Variants in CCDC63 observed in about 807,000 individuals in gnomAD.
CCDC63 encodes the protein coiled-coil domain-containing protein 63.
A neutral mutation model predicts 63.6 loss-of-function variants in CCDC63; 54 were observed. The ratio of observed to expected loss-of-function variants is 0.85; its 90% CI spans 0.68 to 1.07. The LOEUF is 1.07. Ranked by LOEUF, CCDC63 falls within the 50% of genes least tolerant of loss-of-function variation. CCDC63 has a pLI of 0.00. For missense variants in CCDC63, 637 were observed against 689.6 expected (o/e 0.92, Z 0.86); for synonymous variants, 253 against 266.1 (o/e 0.95, Z 0.48).
chr12:110,896,951 T>C (rs564726035), intron 9 of CCDC63, among the ~76,000 whole-genome samples: 2 of 152,230 alleles, frequency 1.3e-5, no homozygotes, highest in South Asian at 4.1e-4. Flanking sequence ...GCCAAGAATA[T>C]GCATTTCTAA....
chr12:110,898,904 A>T (rs2071448488), intron 9 of CCDC63, 29 bp from the exon 10 acceptor site: 2 of 1,542,982 alleles, frequency 1.3e-6, no homozygotes, highest in Non-Finnish European at 1.8e-6. Context: ...AGTCCTCCTG[A>T]GCAGGTGGGA....
chr12:110,883,157 C>T (rs1218236100), intron 7 of CCDC63, among the ~76,000 whole-genome samples: 2 of 152,046 alleles, frequency 1.3e-5, no homozygotes, highest in African/African-American at 4.8e-5. Context: ...CCTGCCTCAG[C>T]CTCCTGAGTA....
intron 10 of CCDC63, among the ~76,000 whole-genome samples, chr12:110,903,231 G>A (rs554592128): frequency 5.9e-5 from 9 of 152,082 alleles, no homozygotes; most frequent in African/African-American, 2.2e-4. Flanking sequence ...GACTGGTCTT[G>A]AACTCAAGTG....
At chr12:110,905,694 G>C (rs2071550823) in intron 11 of CCDC63, among the ~76,000 whole-genome samples, 1 of 149,898 alleles carries the variant, frequency 6.7e-6, no homozygotes, top group Admixed American at 6.8e-5. Flanking sequence ...TTGATATTAA[G>C]ACAAAAAGGG....
At chr12:110,902,368 C>T (rs560029569) in intron 10 of CCDC63, among the ~76,000 whole-genome samples, 1 of 152,310 alleles carries the variant, frequency 6.6e-6, no homozygotes, top group African/African-American at 2.4e-5. Flanking sequence ...GTCCCTGGCT[C>T]ACCTGTAGCC....
At chr12:110,870,516 G>A (rs2136678372) in intron 4 of CCDC63, among the ~76,000 whole-genome samples, 1 of 152,332 alleles carries the variant, frequency 6.6e-6, no homozygotes, top group East Asian at 1.9e-4. Context: ...TGGCCTCAGT[G>A]TTGTTTCATC....
intron 9 of CCDC63, among the ~76,000 whole-genome samples, chr12:110,898,320 C>T (rs1310048563): frequency 1.3e-5 from 2 of 149,198 alleles, no homozygotes; most frequent in African/African-American, 2.5e-5. Context: ...AAAGAGTCAA[C>T]AGCTTTTAAA....
chr12:110,892,643 C>G (rs1364669175), intron 8 of CCDC63, among the ~76,000 whole-genome samples: 1 of 151,938 alleles, frequency 6.6e-6, no homozygotes, highest in Non-Finnish European at 1.5e-5. Flanking sequence ...TATGGTGAAG[C>G]CCCCATCTCT....
chr12:110,860,295 G>A (rs1185492336), intron 4 of CCDC63, among the ~76,000 whole-genome samples: 1 of 152,174 alleles, frequency 6.6e-6, no homozygotes, highest in Admixed American at 6.5e-5. Context: ...GTGGGTCTGG[G>A]GGGCAAGTGG....
intron 4 of CCDC63, among the ~76,000 whole-genome samples, chr12:110,867,706 AC>A (rs1176867848): frequency 1.3e-5 from 1 of 76,330 alleles, no homozygotes; most frequent in African/African-American, 5.8e-5. Context: ...CGGAGGGCTG[AC>A]CCCCCCACCT....
chr12:110,893,070 G>A lies in CCDC63; in HGVS notation c.1075-6G>A, dbSNP rs757233125. The A allele has an allele frequency of 1.5e-5, 24 of 1,613,686 alleles. No individual in the cohort carries two copies. Among genetic ancestry groups the A allele is most frequent in the Non-Finnish European group, 2.0e-5 (24 of 1,179,738 alleles). On this transcript the variant is annotated splice_region_variant and splice_polypyrimidine_tract_variant and intron_variant, in intron 8 of 11. Transcript: ENST00000308208. Reference sequence around the variant, plus strand: ...TTTCCTCATGGTCTTGTTCTCTCCCGAGCAGGACGAGATCATCCTCTTGCG... The same window carrying A: ...TTTCCTCATGGTCTTGTTCTCTCCCAAGCAGGACGAGATCATCCTCTTGCG...
In CCDC63 at chr12:110,907,264, A is replaced by G. The variant is rs1371542073; in HGVS notation, c.1547-67A>G. The G allele has an allele frequency of 6.5e-7, 1 of 1,548,174 alleles. No homozygotes were observed. Among genetic ancestry groups the G allele is most frequent in the Non-Finnish European group, 8.8e-7 (1 of 1,142,688 alleles). On this transcript the variant is annotated intron_variant, in intron 11 of 11. Coordinates refer to ENST00000308208, the MANE Select transcript of CCDC63 (RefSeq NM_152591.3). The surrounding 1 kb of genome is among the most constrained non-coding windows in gnomAD (Gnocchi z 4.4). ...TCCCCAGTGCTATGGAGGGACGCCA[A>G]ACCAGGCTTAGCCCCAGCCCTGGGG...
In CCDC63 at chr12:110,872,988, CT is replaced by C. The variant is rs2071085427; in HGVS notation, c.370-851del. 2.6e-5 allele frequency among the ~76,000 whole-genome samples: 4 copies of C among 152,298 alleles called. No homozygotes were observed. The South Asian group carries it at 8.3e-4, about 32-fold the overall frequency. ...GTGGCTCATGCCTGTAATCCCAGCA[CT>C]TTGGGATGCTGAGGCGGGTGGATCA... is the stretch of plus-strand genomic sequence containing the variant. On this transcript the variant is annotated intron_variant, in intron 4 of 11. Coordinates refer to ENST00000308208, the MANE Select transcript of CCDC63 (RefSeq NM_152591.3).
At chr12:110,870,942 G>A (rs200155711) in intron 4 of CCDC63, among the ~76,000 whole-genome samples, 4 of 152,030 alleles carry the variant, frequency 2.6e-5, no homozygotes, top group East Asian at 1.9e-4. Context: ...TTCCACCTCC[G>A]TCCCTGGTGA....
chr12:110,852,045 G>C (rs1172770114), intron 1 of CCDC63, among the ~76,000 whole-genome samples: 1 of 152,172 alleles, frequency 6.6e-6, no homozygotes, highest in African/African-American at 2.4e-5. Context: ...TCTGGAATTG[G>C]CTGTGCAGTG....
chr12:110,883,958 T>A, intron 7 of CCDC63, 72 bp from the exon 8 acceptor site: 1 of 1,188,004 alleles, frequency 8.4e-7, no homozygotes, highest in Non-Finnish European at 1.3e-6. Context: ...ATTGATCACG[T>A]TACTGTCTGC....
At chr12:110,878,875 A>G (rs1593671557) in intron 5 of CCDC63, among the ~76,000 whole-genome samples, 1 of 152,192 alleles carries the variant, frequency 6.6e-6, no homozygotes, top group African/African-American at 2.4e-5. Flanking sequence ...AACCAATCAC[A>G]TCGCCTTTAA....
intron 4 of CCDC63, among the ~76,000 whole-genome samples, chr12:110,865,604 C>T (rs1415956668): frequency 6.6e-6 from 1 of 151,912 alleles, no homozygotes; most frequent in Non-Finnish European, 1.5e-5. Context: ...TTTCATAGAA[C>T]AACCGTTAAC....
chr12:110,853,001 A>G (rs745816906), intron 2 of CCDC63, 38 bp downstream of exon 2: 29 of 1,607,420 alleles, frequency 1.8e-5, no homozygotes, highest in South Asian at 5.5e-5. Context: ...AGCACCTACT[A>G]TGGGGTCAGG....
Sources: allele counts gnomAD v4.1 joint callset (sites outside exome capture counted in the v4.1 genomes callset), GRCh38; gene constraint gnomAD v4.1.1; non-coding constraint Gnocchi (gnomAD v3.1); transcripts MANE v1.5; gene names NCBI Gene and HGNC (gene_info 2026-07-23, HGNC 2026-07-21).